DMD: variants seen among roughly 807,000 people sequenced by gnomAD.
DMD encodes mutant dystrophin.
A neutral mutation model predicts 330.1 loss-of-function variants in DMD; 63 were observed. The ratio of observed to expected loss-of-function variants is 0.19; its 90% CI spans 0.16 to 0.24. The LOEUF (loss-of-function observed/expected upper bound fraction) is 0.24. Among genes scored for constraint, DMD ranks in the 10% least tolerant of loss-of-function variants. The pLI is 1.00. For synonymous variants in DMD, 1,223 were observed against 959.8 expected (o/e 1.27, Z -5.07); for missense variants, 3,344 against 2,684.1 (o/e 1.25, Z -5.43).
chrX:32,868,572 G>A (rs908639021), intron 2 of DMD, among the ~76,000 whole-genome samples: 1 of 112,327 alleles, frequency 8.9e-6, no homozygotes, highest in Non-Finnish European at 1.9e-5. Context: ...AGGTTTGAGG[G>A]AGACTGGACA....
At chrX:31,851,226 G>T (rs1381222132) in intron 48 of DMD, among the ~76,000 whole-genome samples, 4 of 110,829 alleles carry the variant, frequency 3.6e-5, no homozygotes, top group African/African-American at 1.3e-4. Flanking sequence ...GATTGACAAA[G>T]AATGACAGGT....
At chrX:32,578,865 C>T (rs1188933876) in intron 13 of DMD, among the ~76,000 whole-genome samples, 1 of 111,717 alleles carries the variant, frequency 9.0e-6, no homozygotes, top group Non-Finnish European at 1.9e-5. Flanking sequence ...AACAACCCAT[C>T]TTATTTTATT....
intron 63 of DMD, among the ~76,000 whole-genome samples, chrX:31,241,234 G>T (rs1159907221): frequency 9.0e-6 from 1 of 111,632 alleles, no homozygotes; most frequent in Non-Finnish European, 1.9e-5. Flanking sequence ...CCCCTCTCAG[G>T]AAGAAAGTAT....
At chrX:32,775,932 T>A (rs1247551327) in intron 7 of DMD, among the ~76,000 whole-genome samples, 2 of 112,375 alleles carry the variant, frequency 1.8e-5, no homozygotes, top group Non-Finnish European at 3.8e-5. Flanking sequence ...AAAGAAAAGT[T>A]CCCATTTCAG....
At chrX:32,166,771 T>C (rs1263229874) in intron 44 of DMD, among the ~76,000 whole-genome samples, 1 of 111,304 alleles carries the variant, frequency 9.0e-6, no homozygotes, top group Non-Finnish European at 1.9e-5. Context: ...TAATAGGAAA[T>C]ACAAGTCTGA....
chrX:31,768,163 G>A (rs775370307), intron 51 of DMD, among the ~76,000 whole-genome samples: 3 of 110,488 alleles, frequency 2.7e-5, no homozygotes, highest in African/African-American at 9.9e-5. Flanking sequence ...CTGGCCAAAC[G>A]GAATTGAAAA....
intron 2 of DMD, among the ~76,000 whole-genome samples, chrX:33,006,153 AAAG>A (rs778625109): frequency 7.1e-5 from 8 of 112,025 alleles, no homozygotes; most frequent in Non-Finnish European, 1.3e-4. Flanking sequence ...TCAATATTGT[AAAG>A]AAGTCAGTTC....
intron 11 of DMD, among the ~76,000 whole-genome samples, chrX:32,615,050 T>A (rs1427199531): frequency 1.8e-5 from 2 of 111,349 alleles, no homozygotes; most frequent in Non-Finnish European, 3.8e-5. Context: ...GGAGTGATTC[T>A]GCAGGATAAA....
intron 59 of DMD, among the ~76,000 whole-genome samples, chrX:31,464,916 C>T (rs1360420726): frequency 8.9e-6 from 1 of 112,383 alleles, no homozygotes; most frequent in Non-Finnish European, 1.9e-5. Context: ...AACAATTACT[C>T]CGCTCTGCCT....
At chrX:33,122,923 C>T (rs1239744418) in intron 1 of DMD, among the ~76,000 whole-genome samples, 1 of 112,212 alleles carries the variant, frequency 8.9e-6, no homozygotes, top group Non-Finnish European at 1.9e-5. Context: ...GCTTCCATTT[C>T]AATTCCAAGT....
At chrX:31,138,686 A>AGAGAGAGT (rs745406001) in intron 76 of DMD, among the ~76,000 whole-genome samples, 1 of 87,470 alleles carries the variant, frequency 1.1e-5, no homozygotes, top group African/African-American at 4.6e-5. Flanking sequence ...AGAGAGAGAG[A>AGAGAGAGT]GAAGGGGGAA....
chrX:32,600,598 G>GCGCGCACA (rs762270647), intron 12 of DMD, among the ~76,000 whole-genome samples: 1 of 95,290 alleles, frequency 1.0e-5, no homozygotes, highest in African/African-American at 3.8e-5. Flanking sequence ...ACACGCACAC[G>GCGCGCACA]CACACACACA....
chrX:32,177,235 A>T (rs915268611), intron 44 of DMD, among the ~76,000 whole-genome samples: 4 of 111,678 alleles, frequency 3.6e-5, no homozygotes, highest in African/African-American at 1.3e-4. Flanking sequence ...ACCATTCTCC[A>T]CACTTCAGCG....
At chrX:32,328,560 T>C (rs1293140510) in intron 41 of DMD, among the ~76,000 whole-genome samples, 1 of 111,271 alleles carries the variant, frequency 9.0e-6, no homozygotes, top group African/African-American at 3.3e-5. Flanking sequence ...TCATGCTTTC[T>C]CTTCCTCATT....
At chrX:32,045,987 T>C (rs771938705) in intron 44 of DMD, among the ~76,000 whole-genome samples, 14 of 111,935 alleles carry the variant, frequency 1.3e-4, no homozygotes, top group Admixed American at 6.6e-4. Context: ...ATCCCAAATG[T>C]CTCCTTTCCT....
chrX:33,185,500 A>G (rs1345171523), intron 1 of DMD, among the ~76,000 whole-genome samples: 1 of 111,653 alleles, frequency 9.0e-6, no homozygotes, highest in Non-Finnish European at 1.9e-5. Context: ...TTTCCTTGAT[A>G]GTGTATTCCC....
chrX:31,456,874 GTGTA>G (rs1285854397), intron 59 of DMD, among the ~76,000 whole-genome samples: 1,195 of 93,475 alleles, frequency 0.013, 13 homozygotes, highest in African/African-American at 0.033. Context: ...GTGTGTGTGT[GTGTA>G]TATATATATA....
intron 44 of DMD, among the ~76,000 whole-genome samples, chrX:32,059,539 G>A (rs1359718363): frequency 1.8e-5 from 2 of 112,083 alleles, no homozygotes; most frequent in African/African-American, 6.5e-5. Flanking sequence ...TGTATCAACG[G>A]CAGTGTGAGA....
At chrX:32,597,572 A>T (rs930693188) in intron 12 of DMD, among the ~76,000 whole-genome samples, 1 of 112,050 alleles carries the variant, frequency 8.9e-6, no homozygotes, top group Non-Finnish European at 1.9e-5. Flanking sequence ...CCCTAGGATA[A>T]AACCAGAATA....
Sources: gnomAD v4.1 joint callset for allele counts (sites outside exome capture counted in the v4.1 genomes callset) on GRCh38, gnomAD v4.1.1 for gene constraint, MANE v1.5 for transcripts, NCBI Gene and HGNC (gene_info 2026-07-23, HGNC 2026-07-21) for gene names.